RTN4RL1: variants seen among roughly 807,000 people sequenced by gnomAD.
RTN4RL1 encodes reticulon-4 receptor-like 1.
Under a neutral mutation model 25.6 loss-of-function variants are expected in RTN4RL1, and 7 were observed. The ratio of observed to expected loss-of-function variants is 0.27; its 90% CI spans 0.16 to 0.51. The LOEUF (loss-of-function observed/expected upper bound fraction) is 0.51, where lower values mean the gene tolerates loss of function less well. RTN4RL1 is among the 20% of genes least tolerant of loss of function. The pLI is 0.97. For synonymous variants in RTN4RL1, 297 were observed against 288.2 expected, an observed-to-expected ratio of 1.03 and a Z score of -0.31; for missense variants, 500 against 615.6, an observed-to-expected ratio of 0.81 and a Z score of 1.99.
chr17:1,935,526 A>G lies in RTN4RL1; in HGVS notation c.*970T>C. 1 of 985,480 alleles carries G rather than the reference A, an allele frequency of 1.0e-6. No individual in the cohort carries two copies. The highest frequency in any genetic ancestry group is 1.2e-6 in the Non-Finnish European group (1 of 829,742). The allele number at this position is 985,480 out of a possible 1,614,324, so 61.0% of individuals were successfully genotyped here. A position where few individuals can be genotyped will look rare whatever the true frequency, so the allele number is the denominator to read the frequency against. ...CGACACCTTGCCCCAGGCCCTTGGC[A>G]AGGCCAGGTCCCTTGGAGACTATCG... On this transcript the variant is annotated 3_prime_UTR_variant, in exon 2 of 2. Coordinates refer to ENST00000331238, the MANE Select transcript of RTN4RL1 (RefSeq NM_178568.4).
intron 1 of RTN4RL1, among the ~76,000 whole-genome samples, chr17:1,948,989 C>A (rs1915621872): frequency 6.6e-6 from 1 of 151,580 alleles, no homozygotes; most frequent in African/African-American, 2.4e-5. Flanking sequence ...CGGAGTCTCG[C>A]TCTGTCGCCC....
At chr17:1,978,387 C>A (rs888299272) in intron 1 of RTN4RL1, among the ~76,000 whole-genome samples, 5 of 152,264 alleles carry the variant, frequency 3.3e-5, no homozygotes, top group African/African-American at 1.2e-4. Context: ...ACACATACAC[C>A]TTCTCCTGTC....
Position 1,937,445 on chromosome 17 carries a change from T to C in RTN4RL1, c.377A>G (p.Lys126Arg). Residue 126 changes from lysine to arginine, a missense_variant, in exon 2 of 2, where the codon AAG becomes AGG. Transcript: ENST00000331238. ...CTTGTAGAGGTAGAGGGCGTGAAGC[T>C]TCACCAGGCCCTGGAAGGTCTCGGG... The part of the protein sequence containing the change: ...LAPETFQGLV[K>R]LHALYLYKCG... 6.2e-7 allele frequency: 1 copy of C among 1,613,916 alleles called. No individual in the cohort carries two copies. The highest frequency in any genetic ancestry group is 8.5e-7 in the Non-Finnish European group (1 of 1,179,884).
At chr17:1,964,985 C>CTACTAA (rs539686125) in intron 1 of RTN4RL1, among the ~76,000 whole-genome samples, 33,236 of 150,696 alleles carry the variant, frequency 0.22, 4,040 homozygotes, top group Middle Eastern at 0.29. Flanking sequence ...GACAGGGTTT[C>CTACTAA]ACCATATTGG....
chr17:1,985,460 C>G lies in RTN4RL1; in HGVS notation c.13+39393G>C, dbSNP rs572887549. Among the ~76,000 whole-genome samples the G allele has an allele frequency of 1.5e-4, 23 of 152,298 alleles. 1 individual carries two copies. In the South Asian group the frequency reaches 4.3e-3, roughly 29 times the overall value. On this transcript the variant is annotated intron_variant, in intron 1 of 1. Transcript: ENST00000331238. ...GCATCAAATCCTACTGAGTCCACCC[C>G]CTCCTGGGTCCACTGCTTCACTGGG...
chr17:2,000,040 C>G (rs1311312816), intron 1 of RTN4RL1, among the ~76,000 whole-genome samples: 2 of 152,262 alleles, frequency 1.3e-5, no homozygotes, highest in South Asian at 2.1e-4. Context: ...CTGCAGCCAG[C>G]CCTGTGTGCA....
chr17:1,955,413 G>A (rs150504184), intron 1 of RTN4RL1, among the ~76,000 whole-genome samples: 47 of 151,716 alleles, frequency 3.1e-4, no homozygotes, highest in Non-Finnish European at 6.0e-4. Flanking sequence ...ACAATGAGCC[G>A]GCTGTGGTGG....
intron 1 of RTN4RL1, among the ~76,000 whole-genome samples, chr17:2,004,094 C>T (rs1219038161): frequency 2.7e-5 from 4 of 147,352 alleles, no homozygotes; most frequent in African/African-American, 5.0e-5. Flanking sequence ...GCAGGCCGGG[C>T]GCGGTGGCTC....
intron 1 of RTN4RL1, among the ~76,000 whole-genome samples, chr17:1,958,149 C>T (rs1014387176): frequency 1.3e-5 from 2 of 152,144 alleles, no homozygotes; most frequent in Non-Finnish European, 2.9e-5. Context: ...GTGATTGCAC[C>T]ACTGCACTCC....
chr17:1,944,188 C>T (rs542388026), intron 1 of RTN4RL1, among the ~76,000 whole-genome samples: 138 of 151,022 alleles, frequency 9.1e-4, no homozygotes, highest in African/African-American at 3.1e-3. Flanking sequence ...ATTACAGGCG[C>T]GAGCTACCTC....
At chr17:1,948,999 C>T (rs1336398301) in intron 1 of RTN4RL1, among the ~76,000 whole-genome samples, 4 of 151,970 alleles carry the variant, frequency 2.6e-5, no homozygotes, top group Non-Finnish European at 5.9e-5. Context: ...CTCTGTCGCC[C>T]AGGCTGGAGT....
intron 1 of RTN4RL1, among the ~76,000 whole-genome samples, chr17:1,991,445 G>GAAAAAAAAAAA (rs2066908055): frequency 2.0e-5 from 1 of 49,564 alleles, no homozygotes; most frequent in African/African-American, 7.6e-5. Context: ...CATGCACATA[G>GAAAAAAAAAAA]TAAAAAAAAA....
chr17:2,001,883 C>A (rs2066959745), intron 1 of RTN4RL1, among the ~76,000 whole-genome samples: 1 of 151,892 alleles, frequency 6.6e-6, no homozygotes, highest in Non-Finnish European at 1.5e-5. Flanking sequence ...AGCATCAGCT[C>A]CCCCCGTCCC....
chr17:1,943,014 G>A (rs1472190135), intron 1 of RTN4RL1, among the ~76,000 whole-genome samples: 1 of 152,198 alleles, frequency 6.6e-6, no homozygotes, highest in Non-Finnish European at 1.5e-5. Context: ...GTCCCCAGTG[G>A]GACCAGCCCT....
chr17:1,942,921 C>G (rs1343022219), intron 1 of RTN4RL1, among the ~76,000 whole-genome samples: 1 of 152,208 alleles, frequency 6.6e-6, no homozygotes, highest in Non-Finnish European at 1.5e-5. Context: ...GTCTCTCAGG[C>G]TCTAAGTACA....
chr17:2,016,511 C>G (rs892367459), intron 1 of RTN4RL1, among the ~76,000 whole-genome samples: 1 of 152,182 alleles, frequency 6.6e-6, no homozygotes. Context: ...CAGAGCTGAC[C>G]GAACACAGCC....
chr17:1,996,991 C>T (rs757445717), intron 1 of RTN4RL1, among the ~76,000 whole-genome samples: 1 of 152,216 alleles, frequency 6.6e-6, no homozygotes, highest in Non-Finnish European at 1.5e-5. Flanking sequence ...ACCAGCCACC[C>T]TTGTGTACAC....
At chr17:1,941,519 C>A (rs998728036) in intron 1 of RTN4RL1, among the ~76,000 whole-genome samples, 1 of 152,084 alleles carries the variant, frequency 6.6e-6, no homozygotes, top group African/African-American at 2.4e-5. Flanking sequence ...GGGCGGGGGC[C>A]GGGCAACAAG....
intron 1 of RTN4RL1, among the ~76,000 whole-genome samples, chr17:2,018,718 A>C: frequency 6.6e-6 from 1 of 152,122 alleles, no homozygotes; most frequent in East Asian, 1.9e-4. Context: ...AAGGGACTCC[A>C]GCTAGCTATG....
Sources: gnomAD v4.1 joint callset for allele counts (sites outside exome capture counted in the v4.1 genomes callset) on GRCh38, gnomAD v4.1.1 for gene constraint, MANE v1.5 for transcripts, NCBI Gene and HGNC (gene_info 2026-07-23, HGNC 2026-07-21) for gene names.